The following DNAI4 variants were observed in gnomAD, a reference collection of about 807,000 sequenced individuals.
DNAI4 encodes WD repeat domain 78.
Under a neutral mutation model 105.8 loss-of-function variants are expected in DNAI4, and 85 were observed. The ratio of observed to expected loss-of-function variants is 0.80; its 90% confidence interval spans 0.67 to 0.96. The LOEUF is 0.96. DNAI4 is among the 40% of genes least tolerant of loss of function. The pLI, the probability that DNAI4 is intolerant of heterozygous loss-of-function variation, is 0.00. For synonymous variants in DNAI4, 352 were observed against 331.5 expected (o/e 1.06, Z -0.67); for missense variants, 1,014 against 1,005.6 (o/e 1.01, Z -0.11).
At chr1:66,822,925 T>C (rs1645663362) in intron 15 of DNAI4, among the ~76,000 whole-genome samples, 1 of 152,198 alleles carries the variant, frequency 6.6e-6, no homozygotes, top group East Asian at 1.9e-4. Context: ...ATTATTATTA[T>C]ATTTTAAGTT....
In DNAI4 at chr1:66,874,815, C is replaced by G; in HGVS notation, c.766G>C (p.Val256Leu). Residue 256 changes from valine to leucine, a missense_variant, in exon 5 of 17, where the codon GTC becomes CTC. Transcript: ENST00000371026. ...TCAGCTTCTTCAGATTCTACAGAGA[C>G]CATGACTGTGGGCAAGTCAAAAAAT... Reference protein sequence around the residue: ...LRFFDLPTVMVSVESEEAEKV... With the variant: ...LRFFDLPTVMLSVESEEAEKV... 2 of 1,613,586 alleles carry G rather than the reference C, an allele frequency of 1.2e-6. No homozygotes were observed. Among genetic ancestry groups the G allele is most frequent in the Non-Finnish European group, 1.7e-6 (2 of 1,179,744 alleles).
chr1:66,901,618 G>A (rs1450801031), intron 2 of DNAI4, among the ~76,000 whole-genome samples: 1 of 152,152 alleles, frequency 6.6e-6, no homozygotes, highest in Non-Finnish European at 1.5e-5. Context: ...ATTTGTGGAT[G>A]AGGACTTTAG....
intron 7 of DNAI4, among the ~76,000 whole-genome samples, chr1:66,861,805 T>G (rs969104414): frequency 6.6e-6 from 1 of 152,172 alleles, no homozygotes; most frequent in South Asian, 2.1e-4. Context: ...CCATTTTAAG[T>G]TGTCATAGAG....
At chr1:66,894,352 T>C (rs544863398) in intron 2 of DNAI4, among the ~76,000 whole-genome samples, 9 of 152,188 alleles carry the variant, frequency 5.9e-5, no homozygotes, top group South Asian at 4.1e-4. Context: ...GAATTTCCTA[T>C]TCAAGTCCTT....
In DNAI4 at chr1:66,864,608, T is replaced by C. The variant is rs545581268; in HGVS notation, c.941-2306A>G. Among the ~76,000 whole-genome samples, 8 of 152,120 alleles carry C rather than the reference T, an allele frequency of 5.3e-5. No individual in the cohort carries two copies. In the East Asian group the frequency reaches 1.4e-3, roughly 26 times the overall value. On this transcript the variant is annotated intron_variant, in intron 6 of 16. Coordinates refer to ENST00000371026, the MANE Select transcript of DNAI4 (RefSeq NM_024763.5). Reference sequence around the variant, plus strand: ...GGCTCACGCCTGTAATCCCAGCACTTTGGGAGGCTGAGGCGGGCAGATCAC... The same window carrying C: ...GGCTCACGCCTGTAATCCCAGCACTCTGGGAGGCTGAGGCGGGCAGATCAC...
At chr1:66,865,295 G>T (rs1646710145) in intron 6 of DNAI4, among the ~76,000 whole-genome samples, 1 of 151,938 alleles carries the variant, frequency 6.6e-6, no homozygotes, top group Non-Finnish European at 1.5e-5. Flanking sequence ...ATGGTGGCAT[G>T]TGCCTGTAAT....
rs1647556622 is a variant in DNAI4 at position 66,890,825 on chromosome 1, G to A, written c.643+329C>T. 2.9e-6 allele frequency: 1 copy of A among 343,086 alleles called. No homozygotes were observed. Among genetic ancestry groups the A allele is most frequent in the Non-Finnish European group, 5.4e-6 (1 of 184,688 alleles). The allele number at this position is 343,086 out of a possible 1,614,324, so 21.3% of individuals were successfully genotyped here. A position where few individuals can be genotyped will look rare whatever the true frequency, so the allele number is the denominator to read the frequency against. ...GAAGAAGAGGAAAAGAAGAGGAAAA[G>A]AGGAAGAGGAAGAAAAGGAAGAGGA... On this transcript the variant is annotated intron_variant, in intron 4 of 16. Transcript: ENST00000371026. This position sits in a 1 kb window ranked among gnomAD's most constrained non-coding sequence, Gnocchi z 4.1.
intron 2 of DNAI4, among the ~76,000 whole-genome samples, chr1:66,902,460 A>T (rs1648904754): frequency 6.6e-6 from 1 of 152,098 alleles, no homozygotes; most frequent in Non-Finnish European, 1.5e-5. Context: ...GGTTATTAGC[A>T]TCTTATCAAA....
chr1:66,910,409 C>T (rs534642745), intron 1 of DNAI4, among the ~76,000 whole-genome samples: 134 of 152,324 alleles, frequency 8.8e-4, no homozygotes, highest in African/African-American at 3.1e-3. Context: ...CTGCTTCAGC[C>T]ATAGTGGCAT....
intron 3 of DNAI4, among the ~76,000 whole-genome samples, chr1:66,891,971 CT>C (rs965785318): frequency 1.3e-5 from 2 of 152,072 alleles, no homozygotes; most frequent in African/African-American, 4.8e-5. Context: ...AATACTCTTC[CT>C]TTTGTTTTTC....
At position 66,890,880 on chromosome 1, in the gene DNAI4, A is replaced by C. The variant is rs1219200409; in HGVS notation, c.643+274T>G. 7 of 474,732 alleles carry C rather than the reference A, an allele frequency of 1.5e-5. No individual in the cohort carries two copies. The highest frequency in any genetic ancestry group is 3.9e-4 in the Middle Eastern group (1 of 2,580). 29.4% of individuals were successfully genotyped at this position (474,732 alleles called of 1,614,324 possible). A position where few individuals can be genotyped will look rare whatever the true frequency, so the allele number is the denominator to read the frequency against. ...GAAGAGGAAGAGGAAGAAGAAGAAG[A>C]AGAAGCAGAAGCAGCAGCAGCAACA... On this transcript the variant is annotated intron_variant, in intron 4 of 16. Transcript: ENST00000371026. The surrounding 1 kb of genome is among the most constrained non-coding windows in gnomAD (Gnocchi z 4.1).
At chr1:66,905,429 T>C in intron 1 of DNAI4, 54 bp from the exon 2 acceptor site, 1 of 1,216,338 alleles carries the variant, frequency 8.2e-7, no homozygotes. Flanking sequence ...AAAAGAAAAA[T>C]CAACCAACAA....
rs1489558223 is a variant in DNAI4, at chr1:66,813,513, ATTT to A, written c.*614_*616del. On this transcript the variant is annotated 3_prime_UTR_variant, in exon 17 of 17. Coordinates refer to ENST00000371026, the MANE Select transcript of DNAI4 (RefSeq NM_024763.5). ...GAGTACCCTGTTGTGTCCCAGATGA[ATTT>A]TTCTCACTGAATTGGGAATGTGATA... 6 of 152,230 alleles carry A rather than the reference ATTT, an allele frequency of 3.9e-5. No individual in the cohort carries two copies. The highest frequency in any genetic ancestry group is 8.8e-5 in the Non-Finnish European group (6 of 68,016). 9.4% of individuals were successfully genotyped at this position (152,230 alleles called of 1,614,324 possible). A position where few individuals can be genotyped will look rare whatever the true frequency, so the allele number is the denominator to read the frequency against.
rs181586364 is a variant in DNAI4 at position 66,822,972 on chromosome 1, T to C, written c.2340-455A>G. ...GTGCACAATGTGCAGGTTTGTTACA[T>C]AGGTATACCTGTGCCATGCTGGTGC... On this transcript the variant is annotated intron_variant, in intron 15 of 16. Transcript: ENST00000371026. Among the ~76,000 whole-genome samples the C allele has an allele frequency of 1.2e-3, 183 of 152,280 alleles. 1 individual carries two copies. The highest frequency in any genetic ancestry group is 4.0e-3 in the African/African-American group (168 of 41,552).
rs1229097929 is a variant in DNAI4 at position 66,905,226 on chromosome 1, G to C, written c.320C>G (p.Pro107Arg). 6.5e-7 allele frequency: 1 copy of C among 1,543,006 alleles called. No homozygotes were observed. Among genetic ancestry groups the C allele is most frequent in the Non-Finnish European group, 8.8e-7 (1 of 1,135,780 alleles). ...IPPELKTVEK[P>R]NPNIKTTQVF... is the part of the protein sequence containing the mutation. Reference sequence around the variant, plus strand: ...CTGTGTTGTCTTTATATTGGGATTTGGTTTTTCTACAGTTTTCAGTTCAGG... The same window carrying C: ...CTGTGTTGTCTTTATATTGGGATTTCGTTTTTCTACAGTTTTCAGTTCAGG... The change falls in exon 2 of 17, where the codon CCA becomes CGA. Residue 107 changes from proline (P) to arginine (R), a missense_variant. By Grantham distance (103) the Pro-to-Arg change is moderately radical. Coordinates refer to ENST00000371026, the MANE Select transcript of DNAI4 (RefSeq NM_024763.5).
intron 9 of DNAI4, among the ~76,000 whole-genome samples, chr1:66,838,983 G>A (rs1646090024): frequency 6.6e-6 from 1 of 152,102 alleles, no homozygotes; most frequent in South Asian, 2.1e-4. Context: ...TTTATACAAT[G>A]AATTAATAAA....
chr1:66,922,420 T>C (rs1005710250), intron 1 of DNAI4, among the ~76,000 whole-genome samples: 20 of 152,072 alleles, frequency 1.3e-4, no homozygotes, highest in African/African-American at 4.6e-4. Flanking sequence ...GGGAATATAG[T>C]GTGTCTGATG....
At chr1:66,873,398 A>G (rs1569692566) in intron 5 of DNAI4, among the ~76,000 whole-genome samples, 1 of 150,918 alleles carries the variant, frequency 6.6e-6, no homozygotes, top group South Asian at 2.1e-4. Context: ...GGTATGTACC[A>G]CCAAGCCCGG....
chr1:66,833,015 G>A (rs1025999556), intron 13 of DNAI4, among the ~76,000 whole-genome samples: 1 of 152,060 alleles, frequency 6.6e-6, no homozygotes, highest in African/African-American at 2.4e-5. Flanking sequence ...CAGCAGAGTG[G>A]CCAAGGGGGG....
Sources: allele counts gnomAD v4.1 joint callset (sites outside exome capture counted in the v4.1 genomes callset), GRCh38; gene constraint gnomAD v4.1.1; non-coding constraint Gnocchi (gnomAD v3.1); transcripts MANE v1.5; gene names NCBI Gene and HGNC (gene_info 2026-07-23, HGNC 2026-07-21).